CTNNA2: variants seen among roughly 807,000 people sequenced by gnomAD.
The protein encoded by CTNNA2 is catenin alpha-2.
Under a neutral mutation model 101.0 loss-of-function variants are expected in CTNNA2, and 42 were observed. That is an observed-to-expected ratio of 0.42 (90% confidence interval 0.32 to 0.54). CTNNA2 has a LOEUF of 0.54. CTNNA2 is among the 20% of genes least tolerant of loss of function. CTNNA2 has a pLI of 0.14. For missense variants in CTNNA2, 871 were observed against 1,223.1 expected, an observed-to-expected ratio of 0.71 and a Z score of 4.29; for synonymous variants, 450 against 456.4, an observed-to-expected ratio of 0.99 and a Z score of 0.18.
intron 2 of CTNNA2, among the ~76,000 whole-genome samples, chr2:79,275,196 C>G (rs1208253367): frequency 6.6e-6 from 1 of 152,008 alleles, no homozygotes; most frequent in East Asian, 1.9e-4. Flanking sequence ...GTATTTCAAG[C>G]TGTGTCAAGA....
intron 4 of CTNNA2, among the ~76,000 whole-genome samples, chr2:79,418,996 G>C (rs758074804): frequency 6.6e-6 from 1 of 152,122 alleles, no homozygotes; most frequent in Non-Finnish European, 1.5e-5. Context: ...ATAATTGGAT[G>C]CTCTCCTTTG....
chr2:79,739,396 C>G (rs1671122830), intron 2 of CTNNA2, among the ~76,000 whole-genome samples: 1 of 152,108 alleles, frequency 6.6e-6, no homozygotes, highest in Non-Finnish European at 1.5e-5. Flanking sequence ...TTACATTTGC[C>G]TTTTATTTCT....
At chr2:79,806,068 C>A (rs1676548972) in intron 3 of CTNNA2, among the ~76,000 whole-genome samples, 1 of 152,050 alleles carries the variant, frequency 6.6e-6, no homozygotes. Flanking sequence ...AGTATAAATT[C>A]TCTTTCCTGC....
chr2:79,892,072 A>G (rs1684346094), intron 6 of CTNNA2, among the ~76,000 whole-genome samples: 1 of 152,222 alleles, frequency 6.6e-6, no homozygotes, highest in African/African-American at 2.4e-5. Flanking sequence ...TCATTTGTAT[A>G]CATGTTTGCT....
At chr2:80,558,582 G>C (rs149554517) in intron 12 of CTNNA2, among the ~76,000 whole-genome samples, 94 of 152,228 alleles carry the variant, frequency 6.2e-4, no homozygotes, top group African/African-American at 2.1e-3. Flanking sequence ...TAGAAACCCT[G>C]TGCATGTCCC....
chr2:80,082,224 T>C (rs1699196388), intron 7 of CTNNA2, among the ~76,000 whole-genome samples: 1 of 152,192 alleles, frequency 6.6e-6, no homozygotes, highest in African/African-American at 2.4e-5. Context: ...TTGTTTCAAA[T>C]AGTTCACTAT....
At chr2:79,186,587 T>A (rs1313501859) in intron 1 of CTNNA2, among the ~76,000 whole-genome samples, 1 of 152,196 alleles carries the variant, frequency 6.6e-6, no homozygotes, top group Non-Finnish European at 1.5e-5. Flanking sequence ...TCAGGAAAAT[T>A]GTTAGGTACA....
At chr2:79,670,642 C>T (rs902843579) in intron 2 of CTNNA2, among the ~76,000 whole-genome samples, 4 of 152,136 alleles carry the variant, frequency 2.6e-5, no homozygotes, top group Non-Finnish European at 5.9e-5. Context: ...GGATTTTCTT[C>T]TATATCTCCA....
chr2:79,252,852 G>A (rs1674790923), intron 2 of CTNNA2, among the ~76,000 whole-genome samples: 1 of 151,870 alleles, frequency 6.6e-6, no homozygotes, highest in South Asian at 2.1e-4. Flanking sequence ...TTGGTTGAGA[G>A]CTGGCAGTGA....
chr2:80,613,920 ACAG>A, intron 17 of CTNNA2, among the ~76,000 whole-genome samples: 1 of 151,566 alleles, frequency 6.6e-6, no homozygotes, highest in East Asian at 2.0e-4. Flanking sequence ...ACTGCTTGTA[ACAG>A]CAGGAGTTAG....
At chr2:80,337,161 C>T (rs1671824232) in intron 7 of CTNNA2, among the ~76,000 whole-genome samples, 1 of 152,120 alleles carries the variant, frequency 6.6e-6, no homozygotes, top group Non-Finnish European at 1.5e-5. Flanking sequence ...CGAGACCATC[C>T]TGGTTGACAT....
intron 7 of CTNNA2, among the ~76,000 whole-genome samples, chr2:80,179,567 A>G (rs1705630199): frequency 6.6e-6 from 1 of 151,636 alleles, no homozygotes; most frequent in South Asian, 2.1e-4. Context: ...TAGAGAAGGG[A>G]TTTCACCGTG....
rs557734734 is a variant in CTNNA2 at position 79,318,080 on chromosome 2, T to A, written c.-318+5284T>A. Among the ~76,000 whole-genome samples the A allele has an allele frequency of 7.9e-5, 12 of 152,220 alleles. No individual in the cohort carries two copies. The South Asian group carries it at 8.3e-4, about 11-fold the overall frequency. On this transcript the variant is annotated intron_variant, in intron 3 of 21. Transcript: ENST00000466387. Reference sequence around the variant, plus strand: ...GAAGTTATTTGTCTATATAGGGACTTGAGATAATTATTATGATATGTTTTT... The same window carrying A: ...GAAGTTATTTGTCTATATAGGGACTAGAGATAATTATTATGATATGTTTTT...
intron 7 of CTNNA2, among the ~76,000 whole-genome samples, chr2:80,220,670 A>G (rs544129853): frequency 1.3e-5 from 2 of 152,292 alleles, no homozygotes; most frequent in South Asian, 2.1e-4. Context: ...GATTTCTTCC[A>G]TGTTTGCTGC....
chr2:80,506,534 G>A (rs1315565375), intron 9 of CTNNA2, among the ~76,000 whole-genome samples: 1 of 152,176 alleles, frequency 6.6e-6, no homozygotes, highest in African/African-American at 2.4e-5. Context: ...TTTAAATTGG[G>A]CAGTTTAAAG....
intron 1 of CTNNA2, among the ~76,000 whole-genome samples, chr2:79,611,490 T>C (rs963092794): frequency 6.6e-6 from 1 of 152,158 alleles, no homozygotes; most frequent in Non-Finnish European, 1.5e-5. Context: ...AGGCATTAAA[T>C]ACAGAATTAA....
chr2:79,876,332 A>T lies in CTNNA2; in HGVS notation c.852+1990A>T, dbSNP rs550342540. On this transcript the variant is annotated intron_variant, in intron 6 of 18. Transcript: ENST00000402739. ...ATTAAAACATTGTAATGCTACATTA[A>T]TTTTAAAGGTGTGTATTGAAACACA... Among the ~76,000 whole-genome samples, 6 of 152,338 alleles carry T rather than the reference A, an allele frequency of 3.9e-5. No individual in the cohort carries two copies. In the South Asian group the frequency reaches 1.2e-3, roughly 32 times the overall value.
At chr2:79,802,319 G>A (rs1284535925) in intron 3 of CTNNA2, among the ~76,000 whole-genome samples, 1 of 152,186 alleles carries the variant, frequency 6.6e-6, no homozygotes, top group Non-Finnish European at 1.5e-5. Context: ...TCCTCCTACA[G>A]AGCATTTCTT....
intron 7 of CTNNA2, among the ~76,000 whole-genome samples, chr2:80,072,738 G>A (rs997703331): frequency 6.6e-6 from 1 of 152,132 alleles, no homozygotes. Flanking sequence ...AAAAAGGGAA[G>A]GTGGAGCAGA....
Sources: gnomAD v4.1 joint callset for allele counts (sites outside exome capture counted in the v4.1 genomes callset) on GRCh38, gnomAD v4.1.1 for gene constraint, MANE v1.5 for transcripts, NCBI Gene and HGNC (gene_info 2026-07-23, HGNC 2026-07-21) for gene names.